Variants in HIP1 observed in about 807,000 individuals in gnomAD.
HIP1 encodes the protein huntingtin interacting protein 1.
Under a neutral mutation model 147.6 loss-of-function variants are expected in HIP1, and 65 were observed. The observed-to-expected ratio is 0.44, with a 90% CI of 0.36 to 0.54. The LOEUF is 0.54. HIP1 is among the 20% of genes least tolerant of loss of function. The pLI, the probability that HIP1 is intolerant of heterozygous loss-of-function variation, is 0.00. For synonymous variants in HIP1, 479 were observed against 504.0 expected (o/e 0.95, Z 0.67); for missense variants, 1,061 against 1,299.6 (o/e 0.82, Z 2.82).
At chr7:75,638,956 CA>C (rs1304460206) in intron 1 of HIP1, 1 of 429,644 alleles carries the variant, frequency 2.3e-6, no homozygotes, top group Non-Finnish European at 3.1e-6. Flanking sequence ...CAGAAACTTT[CA>C]ATGGATCGCG....
intron 1 of HIP1, among the ~76,000 whole-genome samples, chr7:75,600,482 G>A (rs1034291281): frequency 2.6e-4 from 39 of 152,120 alleles, no homozygotes; most frequent in African/African-American, 9.4e-4. Flanking sequence ...ACAGAAAAGG[G>A]ATTATATCAT....
chr7:75,604,243 G>A (rs1554503493), intron 1 of HIP1, among the ~76,000 whole-genome samples: 1 of 152,170 alleles, frequency 6.6e-6, no homozygotes, highest in Non-Finnish European at 1.5e-5. Flanking sequence ...GACTTACAAG[G>A]CATATAAACA....
chr7:75,581,417 A>C, intron 6 of HIP1, 119 bp from the exon 7 acceptor site: 1 of 704,640 alleles, frequency 1.4e-6, no homozygotes, highest in Non-Finnish European at 2.5e-6. Flanking sequence ...GCGCAAACAC[A>C]CACACAACTC....
At chr7:75,729,426 G>A (rs1225871326) in intron 1 of HIP1, among the ~76,000 whole-genome samples, 1 of 151,630 alleles carries the variant, frequency 6.6e-6, no homozygotes, top group Non-Finnish European at 1.5e-5. Context: ...ATTCGAGGCT[G>A]CAGTGAGCTA....
chr7:75,558,081 TGGCCCCGGGGAAGCCACA>T (rs1378246130), intron 15 of HIP1, 68 bp downstream of exon 15: 2 of 1,070,600 alleles, frequency 1.9e-6, no homozygotes, highest in African/African-American at 3.1e-5. Flanking sequence ...TAGGGGTTGC[TGGCCCCGGGGAAGCCACA>T]GGCCTGAGCC....
intron 1 of HIP1, among the ~76,000 whole-genome samples, chr7:75,690,504 G>GTTTACATT (rs1800412037): frequency 6.6e-6 from 1 of 152,162 alleles, no homozygotes; most frequent in Non-Finnish European, 1.5e-5. Flanking sequence ...CGGAACCCTT[G>GTTTACATT]TACACTGCTG....
intron 1 of HIP1, among the ~76,000 whole-genome samples, chr7:75,672,325 C>CT (rs34265805): frequency 0.55 from 79,820 of 144,744 alleles, 21,950 homozygotes; most frequent in African/African-American, 0.62. Flanking sequence ...TTTTTACATT[C>CT]TTTTTTTTTT....
intron 1 of HIP1, among the ~76,000 whole-genome samples, chr7:75,660,216 TAAA>T (rs66778859): frequency 0.17 from 23,263 of 138,860 alleles, 2,100 homozygotes; most frequent in Middle Eastern, 0.26. Flanking sequence ...CGATACGTGG[TAAA>T]AAAAAAAAAA....
At chr7:75,703,718 T>C (rs549481855) in intron 1 of HIP1, among the ~76,000 whole-genome samples, 22 of 152,178 alleles carry the variant, frequency 1.4e-4, no homozygotes, top group African/African-American at 5.1e-4. Flanking sequence ...TCATCTACAA[T>C]GCAGCTGGAG....
chr7:75,668,855 G>A (rs963281886), intron 1 of HIP1, among the ~76,000 whole-genome samples: 2 of 152,230 alleles, frequency 1.3e-5, no homozygotes, highest in Admixed American at 1.3e-4. Flanking sequence ...GTATAGTTCA[G>A]TGATTTTTAA....
chr7:75,702,165 C>A (rs1554519221), intron 1 of HIP1, among the ~76,000 whole-genome samples: 3 of 151,590 alleles, frequency 2.0e-5, no homozygotes, highest in African/African-American at 7.3e-5. Context: ...GGCTGGAATG[C>A]AATGGCACGA....
At chr7:75,655,154 T>C (rs937711085) in intron 1 of HIP1, among the ~76,000 whole-genome samples, 3 of 152,240 alleles carry the variant, frequency 2.0e-5, no homozygotes, top group African/African-American at 7.2e-5. Context: ...CAGGTGTCCA[T>C]CAACAGACGA....
intron 1 of HIP1, among the ~76,000 whole-genome samples, chr7:75,697,807 G>A (rs548336387): frequency 1.2e-4 from 19 of 152,182 alleles, no homozygotes; most frequent in Admixed American, 8.5e-4. Context: ...GCGAGACTCC[G>A]TCTCAAAAAC....
At chr7:75,603,459 C>T (rs1797089113) in intron 1 of HIP1, among the ~76,000 whole-genome samples, 1 of 152,068 alleles carries the variant, frequency 6.6e-6, no homozygotes, top group Non-Finnish European at 1.5e-5. Flanking sequence ...TTGACAGCCC[C>T]AGGAAACTAA....
At chr7:75,595,244 C>CTTTCTT (rs1796672473) in intron 2 of HIP1, among the ~76,000 whole-genome samples, 1 of 112,748 alleles carries the variant, frequency 8.9e-6, no homozygotes, top group Non-Finnish European at 1.8e-5. Flanking sequence ...TTCTTTCTTT[C>CTTTCTT]TTTCTTTCTT....
chr7:75,704,307 G>T (rs781843418), intron 1 of HIP1, among the ~76,000 whole-genome samples: 1 of 151,874 alleles, frequency 6.6e-6, no homozygotes. Flanking sequence ...GTGCAATGGC[G>T]TGATCACGGT....
intron 1 of HIP1, among the ~76,000 whole-genome samples, chr7:75,663,243 T>G (rs1350239651): frequency 1.3e-5 from 2 of 152,178 alleles, no homozygotes; most frequent in Non-Finnish European, 2.9e-5. Flanking sequence ...ACAGCGTCTT[T>G]GCTCTCCAGA....
At chr7:75,736,444 C>T (rs1554523667) in intron 1 of HIP1, among the ~76,000 whole-genome samples, 2 of 151,806 alleles carry the variant, frequency 1.3e-5, no homozygotes, top group African/African-American at 2.4e-5. Flanking sequence ...GGGCTGGGTG[C>T]CATGGCTCAT....
Position 75,556,114 on chromosome 7 carries a change from A to G in HIP1, c.1739T>C (p.Leu580Pro). The change falls in exon 18 of 31, where the codon CTG becomes CCG. Residue 580 changes from leucine to proline, a missense_variant. Leu to Pro is a moderately conservative substitution (Grantham distance 98). Transcript: ENST00000336926. ...FAELEKERDS[L>P]VSGAAHREEE... is the part of the protein sequence containing the mutation. ...CTCCCTATGAGCTGCGCCACTCACC[A>G]GGCTGTCCCGCTCCTTCTCTAGCTC... 2 of 1,614,182 alleles carry G rather than the reference A, an allele frequency of 1.2e-6. No homozygotes were observed. The highest frequency in any genetic ancestry group is 1.7e-6 in the Non-Finnish European group (2 of 1,180,038).
Sources: allele counts gnomAD v4.1 joint callset (sites outside exome capture counted in the v4.1 genomes callset), GRCh38; gene constraint gnomAD v4.1.1; transcripts MANE v1.5; gene names NCBI Gene and HGNC (gene_info 2026-07-23, HGNC 2026-07-21).